TNS3: variants seen among roughly 807,000 people sequenced by gnomAD.
TNS3 encodes tensin-3.
Under a neutral mutation model 140.9 loss-of-function variants are expected in TNS3, and 45 were observed. The observed-to-expected ratio is 0.32, with a 90% CI of 0.25 to 0.41. TNS3 has a LOEUF of 0.41. TNS3 is among the 10% of genes least tolerant of loss of function. The pLI, the probability that TNS3 is intolerant of heterozygous loss-of-function variation, is 1.00. For synonymous variants in TNS3, 815 were observed against 788.4 expected (o/e 1.03, Z -0.56); for missense variants, 1,716 against 1,906.7 (o/e 0.90, Z 1.86).
At chr7:47,418,710 G>A (rs536723172) in intron 10 of TNS3, among the ~76,000 whole-genome samples, 117 of 152,132 alleles carry the variant, frequency 7.7e-4, no homozygotes, top group Non-Finnish European at 1.3e-3. Context: ...GTAAGCAAAC[G>A]AACATAAAAG....
chr7:47,380,595 C>T (rs940845481), intron 16 of TNS3, among the ~76,000 whole-genome samples: 1 of 152,182 alleles, frequency 6.6e-6, no homozygotes, highest in Non-Finnish European at 1.5e-5. Context: ...CACTCCATAA[C>T]GCCCTCTCCT....
chr7:47,286,886 C>T (rs918438731), intron 27 of TNS3, among the ~76,000 whole-genome samples: 3 of 152,022 alleles, frequency 2.0e-5, no homozygotes, highest in Non-Finnish European at 4.4e-5. Flanking sequence ...AGAAAAGAAT[C>T]GTACAGGCAG....
At chr7:47,445,841 G>C (rs1795702282) in intron 4 of TNS3, among the ~76,000 whole-genome samples, 1 of 152,184 alleles carries the variant, frequency 6.6e-6, no homozygotes, top group African/African-American at 2.4e-5. Flanking sequence ...GTCAAGAGGA[G>C]ACTCAGGGAT....
intron 16 of TNS3, among the ~76,000 whole-genome samples, chr7:47,396,232 T>C (rs1030131925): frequency 9.2e-5 from 14 of 152,186 alleles, no homozygotes; most frequent in Non-Finnish European, 1.8e-4. Context: ...AGCTGCCCCT[T>C]CCTTCCTTTC....
chr7:47,560,278 G>A (rs1004292992), intron 1 of TNS3, among the ~76,000 whole-genome samples: 2 of 151,966 alleles, frequency 1.3e-5, no homozygotes, highest in African/African-American at 4.8e-5. Context: ...TCTACCATGT[G>A]AGGGCACATA....
Position 47,275,674 on chromosome 7 carries a change from T to C in TNS3, c.*2402A>G, listed in dbSNP as rs1026413883. ...ACAAAAGGAAGAAAGAAACTTCCTA[T>C]ACCAGCTCTTCAGAAATCGTGGAAA... On this transcript the variant is annotated 3_prime_UTR_variant, in exon 31 of 31. Coordinates refer to ENST00000311160, the MANE Select transcript of TNS3 (RefSeq NM_022748.12). The C allele has an allele frequency of 1.7e-5, 7 of 409,300 alleles. No individual in the cohort carries two copies. The highest frequency in any genetic ancestry group is 1.2e-4 in the African/African-American group (6 of 48,404). The allele number at this position is 409,300 out of a possible 1,614,324, so 25.4% of individuals were successfully genotyped here.
chr7:47,398,802 A>C (rs1366365217), intron 15 of TNS3, among the ~76,000 whole-genome samples: 1 of 152,210 alleles, frequency 6.6e-6, no homozygotes, highest in Non-Finnish European at 1.5e-5. Context: ...TATTCAACAT[A>C]GTACTGGAAT....
chr7:47,497,216 C>G (rs1798045598), intron 3 of TNS3, among the ~76,000 whole-genome samples: 1 of 152,200 alleles, frequency 6.6e-6, no homozygotes, highest in South Asian at 2.1e-4. Context: ...CGGTAGGCAA[C>G]ATTTCATGAA....
At chr7:47,314,108 G>A (rs185956434) in intron 20 of TNS3, among the ~76,000 whole-genome samples, 240 of 152,326 alleles carry the variant, frequency 1.6e-3, no homozygotes, top group African/African-American at 5.5e-3. Flanking sequence ...GTGCCACACA[G>A]CTCAATGCCA....
chr7:47,292,713 G>A (rs980326283), intron 26 of TNS3, 115 bp downstream of exon 26: 24 of 942,654 alleles, frequency 2.5e-5, no homozygotes, highest in Non-Finnish European at 3.7e-5. Context: ...AAGAGAATAC[G>A]AAAAAACTTC....
intron 20 of TNS3, among the ~76,000 whole-genome samples, chr7:47,311,397 AGAGT>A (rs1460961019): frequency 1.1e-5 from 1 of 91,340 alleles, no homozygotes; most frequent in African/African-American, 4.1e-5. Context: ...TAGAACTTAA[AGAGT>A]GTGTGTGTGT....
intron 1 of TNS3, among the ~76,000 whole-genome samples, chr7:47,540,058 C>A (rs901600077): frequency 1.3e-5 from 2 of 152,200 alleles, no homozygotes; most frequent in South Asian, 4.1e-4. Context: ...CTCTGTGCTG[C>A]TGCCCAGCTT....
intron 16 of TNS3, among the ~76,000 whole-genome samples, chr7:47,392,319 G>A (rs1481740923): frequency 6.6e-6 from 1 of 152,174 alleles, no homozygotes; most frequent in Non-Finnish European, 1.5e-5. Context: ...GCTCCTTTCT[G>A]AGTATAGAAG....
At chr7:47,506,202 G>T (rs1370365110) in intron 3 of TNS3, among the ~76,000 whole-genome samples, 2 of 152,184 alleles carry the variant, frequency 1.3e-5, no homozygotes, top group Non-Finnish European at 2.9e-5. Context: ...CATACTTGGG[G>T]ATTCCGTAAG....
chr7:47,323,316 A>G (rs1380555018), intron 20 of TNS3, among the ~76,000 whole-genome samples: 1 of 152,244 alleles, frequency 6.6e-6, no homozygotes, highest in East Asian at 1.9e-4. Context: ...GAAGTGGCAC[A>G]TGCTTCCGGT....
At chr7:47,299,286 C>A (rs892340098) in intron 23 of TNS3, among the ~76,000 whole-genome samples, 1 of 151,730 alleles carries the variant, frequency 6.6e-6, no homozygotes, top group Non-Finnish European at 1.5e-5. Flanking sequence ...TACAAGTGTA[C>A]ACCACCACAC....
Position 47,369,626 on chromosome 7 carries a change from G to C in TNS3, c.1025-5C>G. 3 of 1,547,090 alleles carry C rather than the reference G, an allele frequency of 1.9e-6. No individual in the cohort carries two copies. The highest frequency in any genetic ancestry group is 4.5e-5 in the East Asian group (2 of 44,250). On this transcript the variant is annotated splice_region_variant and splice_polypyrimidine_tract_variant and intron_variant, in intron 16 of 30. Coordinates refer to ENST00000311160, the MANE Select transcript of TNS3 (RefSeq NM_022748.12). ...CAGGGCCCTGCGTGTGTAGCACTGC[G>C]GGGGAGAAAACCGGAGAGAGGCTTT...
chr7:47,392,360 C>T (rs561067431), intron 16 of TNS3, among the ~76,000 whole-genome samples: 3 of 152,182 alleles, frequency 2.0e-5, no homozygotes, highest in Admixed American at 1.3e-4. Flanking sequence ...TCAAAGCCAG[C>T]GCTCCCCTAA....
At chr7:47,317,904 C>T (rs1436682787) in intron 20 of TNS3, among the ~76,000 whole-genome samples, 1 of 152,220 alleles carries the variant, frequency 6.6e-6, no homozygotes, top group Non-Finnish European at 1.5e-5. Flanking sequence ...CAGCCACCCA[C>T]AGCTGCTCAG....
Sources: allele counts gnomAD v4.1 joint callset (sites outside exome capture counted in the v4.1 genomes callset), GRCh38; gene constraint gnomAD v4.1.1; transcripts MANE v1.5; gene names NCBI Gene and HGNC (gene_info 2026-07-23, HGNC 2026-07-21).